The following FAM110C variants were observed in gnomAD, a reference collection of about 807,000 sequenced individuals.
FAM110C encodes the protein protein FAM110C.
In FAM110C, 19 loss-of-function variants were observed where a neutral mutation model predicts 15.7. The observed-to-expected ratio is 1.21, with a 90% CI of 0.85 to 1.78. FAM110C has a LOEUF of 1.78. FAM110C is among the 40% of genes most tolerant of loss of function. The pLI is 0.00. For missense variants in FAM110C, 547 were observed against 495.7 expected (o/e 1.10, Z -0.98); for synonymous variants, 275 against 233.9 (o/e 1.18, Z -1.61).
intron 1 of FAM110C, 72 bp downstream of exon 1, chr2:45,368 G>T (rs1388563849): frequency 6.6e-7 from 1 of 1,519,050 alleles, no homozygotes; most frequent in African/African-American, 1.4e-5. Context: ...CCATCGCCCA[G>T]CTCGGTCACA....
At chr2:44,626 G>C (rs941817086) in intron 1 of FAM110C, 1 of 985,294 alleles carries the variant, frequency 1.0e-6, no homozygotes, top group Non-Finnish European at 1.2e-6. Flanking sequence ...CCATAGGGAA[G>C]AGCAGGTAAC....
chr2:43,736 T>C, intron 1 of FAM110C: 1 of 985,442 alleles, frequency 1.0e-6, no homozygotes, highest in Non-Finnish European at 1.2e-6. Context: ...CCCCACTATT[T>C]ATACCACCAA....
In FAM110C at chr2:41,546, G is replaced by A. The variant is rs1163308677; in HGVS notation, c.*62C>T. ...AAACAGCAATCATGTGGTCACCTAG[G>A]CACACTAGCCAAATGGTCCTGGGAT... On this transcript the variant is annotated 3_prime_UTR_variant, in exon 2 of 2. Transcript: ENST00000327669. 7.5e-6 allele frequency: 12 copies of A among 1,594,178 alleles called. No homozygotes were observed. The South Asian group carries it at 8.9e-5, about 12-fold the overall frequency.
chr2:45,707 C>T lies in FAM110C; in HGVS notation c.679G>A (p.Glu227Lys). The stretch of plus-strand genomic sequence containing the variant: ...TCCCTCCCCAGGGCCTCCACCACCT[C>T]GGGGTCCAGGCCGCAGTACTGGAAG... ...TFFQYCGLDP[E>K]VVEALGRENF... Residue 227 changes from glutamate to lysine, a missense_variant, in exon 1 of 2, where the codon GAG (glutamate) becomes AAG (lysine). Physicochemically the swap from Glu to Lys is moderately conservative, Grantham distance 56. Coordinates refer to ENST00000327669, the MANE Select transcript of FAM110C (RefSeq NM_001077710.3). The T allele has an allele frequency of 4.4e-6, 7 of 1,603,184 alleles. No homozygotes were observed. The highest frequency in any genetic ancestry group is 2.3e-5 in the East Asian group (1 of 44,422).
rs1294380005 is a variant in FAM110C at position 45,586 on chromosome 2, T to C, written c.800A>G (p.Asp267Gly). Residue 267 changes from aspartate (D) to glycine (G), a missense_variant, in exon 1 of 2, where the codon GAC becomes GGC. Asp to Gly is a moderately conservative substitution (Grantham distance 94, BLOSUM62 -1). Coordinates refer to ENST00000327669, the MANE Select transcript of FAM110C (RefSeq NM_001077710.3). ...GSGFSRHSGG[D>G]DEGLQEEELI... The stretch of plus-strand genomic sequence containing the variant: ...CTCCTCCTCCTGCAGCCCCTCGTCG[T>C]CGCCGCCGCTGTGCCGGGAGAAGCC... 4 of 1,612,526 alleles carry C rather than the reference T, an allele frequency of 2.5e-6. No homozygotes were observed. The highest frequency in any genetic ancestry group is 2.7e-5 in the African/African-American group (2 of 74,908).
intron 1 of FAM110C, chr2:42,073 C>T (rs960555754): frequency 5.1e-6 from 5 of 985,264 alleles, no homozygotes; most frequent in East Asian, 1.1e-4. Context: ...GCGGGTCACA[C>T]GACAGGGAAG....
Position 46,126 on chromosome 2 carries a change from C to G in FAM110C, c.260G>C (p.Arg87Pro), listed in dbSNP as rs1177994089. The G allele has an allele frequency of 6.9e-7, 1 of 1,456,428 alleles. No individual in the cohort carries two copies. Among genetic ancestry groups the G allele is most frequent in the Non-Finnish European group, 9.0e-7 (1 of 1,110,816 alleles). 90.2% of individuals were successfully genotyped at this position (1,456,428 alleles called of 1,614,324 possible). Residue 87 changes from arginine to proline, a missense_variant, in exon 1 of 2, where the codon CGC becomes CCC. Transcript: ENST00000327669. ...PPARAPAPVA[R>P]RAIARKPLRP... The stretch of plus-strand genomic sequence containing the variant: ...CAACGGCTTCCGCGCAATAGCCCTG[C>G]GCGCCACCGGGGCCGGGGCGCGGGC...
Position 46,217 on chromosome 2 carries a change from C to T in FAM110C, c.169G>A (p.Gly57Ser), listed in dbSNP as rs1405592894. The change falls in exon 1 of 2, where the codon GGC becomes AGC. Residue 57 changes from glycine to serine, a missense_variant. Physicochemically the swap from Gly to Ser is moderately conservative, Grantham distance 56. Transcript: ENST00000327669. Reference protein sequence around the residue: ...YVRGRPGTGRGVASEGSGPGA... With the variant: ...YVRGRPGTGRSVASEGSGPGA... The stretch of plus-strand genomic sequence containing the variant: ...GGGCCGCTGCCCTCGGAAGCGACGC[C>T]CCGGCCAGTCCCCGGCCGACCCCGC... 3 of 1,385,316 alleles carry T rather than the reference C, an allele frequency of 2.2e-6. No homozygotes were observed. Among genetic ancestry groups the T allele is most frequent in the Non-Finnish European group, 2.8e-6 (3 of 1,074,090 alleles). The allele number at this position is 1,385,316 out of a possible 1,614,324, so 85.8% of individuals were successfully genotyped here.
intron 1 of FAM110C, chr2:43,372 T>TGGAGGGAGACATGAGG: frequency 1.0e-6 from 1 of 985,368 alleles, no homozygotes; most frequent in Non-Finnish European, 1.2e-6. Context: ...GGGATTCAGG[T>TGGAGGGAGACATGAGG]GGAGGGAGAC....
At position 45,993 on chromosome 2, in the gene FAM110C, A is replaced by G; in HGVS notation, c.393T>C (p.Gly131=). 6.8e-7 allele frequency: 1 copy of G among 1,464,768 alleles called. No individual in the cohort carries two copies. Among genetic ancestry groups the G allele is most frequent in the Non-Finnish European group, 9.0e-7 (1 of 1,113,738 alleles). The allele number at this position is 1,464,768 out of a possible 1,614,324, so 90.7% of individuals were successfully genotyped here. ...TCCGGGGCACCGGCGCCTTGTCCTT[A>G]CCCGGCCCCTGGAAGAGCTTCTTCA... is the stretch of plus-strand genomic sequence containing the variant. ...SLVKKLFQGP[G]KDKAPVPRTG... is the part of the protein sequence containing the mutation. The change falls in exon 1 of 2, where the codon GGT becomes GGC. Residue 131 remains glycine, a synonymous_variant. Coordinates refer to ENST00000327669, the MANE Select transcript of FAM110C (RefSeq NM_001077710.3).
At chr2:44,109 G>A (rs1283384587) in intron 1 of FAM110C, 1 of 985,256 alleles carries the variant, frequency 1.0e-6, no homozygotes, top group Non-Finnish European at 1.2e-6. Context: ...ACCCTTGCCA[G>A]CATTCATTCA....
intron 1 of FAM110C, chr2:44,862 T>G: frequency 1.0e-6 from 1 of 985,424 alleles, no homozygotes; most frequent in Non-Finnish European, 1.2e-6. Flanking sequence ...TGTTGCTAAG[T>G]GAATGCCAAA....
At chr2:45,137 T>A (rs1329701231) in intron 1 of FAM110C, 8 of 985,322 alleles carry the variant, frequency 8.1e-6, no homozygotes, top group African/African-American at 1.7e-5. Flanking sequence ...TTCTCCTGTT[T>A]TCACAATAAT....
chr2:40,417 T>C lies in FAM110C; in HGVS notation c.*1191A>G, dbSNP rs1664092158. The C allele has an allele frequency of 6.6e-6, 1 of 152,236 alleles. No individual in the cohort carries two copies. Among genetic ancestry groups the C allele is most frequent in the Non-Finnish European group, 1.5e-5 (1 of 68,044 alleles). The allele number at this position is 152,236 out of a possible 1,614,324, so 9.4% of individuals were successfully genotyped here. Reference sequence around the variant, plus strand: ...TAACGATTTTCTTCTTGAAAAGATATATTTTGATATTAAGCTTTCGAAGAA... The same window carrying C: ...TAACGATTTTCTTCTTGAAAAGATACATTTTGATATTAAGCTTTCGAAGAA... On this transcript the variant is annotated 3_prime_UTR_variant, in exon 2 of 2. Transcript: ENST00000327669.
chr2:39,818 G>A lies in FAM110C; in HGVS notation c.*1790C>T, dbSNP rs1266297803. The A allele has an allele frequency of 1.3e-5, 2 of 152,024 alleles. No individual in the cohort carries two copies. Among genetic ancestry groups the A allele is most frequent in the African/African-American group, 4.8e-5 (2 of 41,370 alleles). 9.4% of individuals were successfully genotyped at this position (152,024 alleles called of 1,614,324 possible). On this transcript the variant is annotated 3_prime_UTR_variant, in exon 2 of 2. Transcript: ENST00000327669. Reference sequence around the variant, plus strand: ...AAAGCTTTCATATCTAAAATTGATGGGACATCTGAAAATAAGGGAATTGGG... The same window carrying A: ...AAAGCTTTCATATCTAAAATTGATGAGACATCTGAAAATAAGGGAATTGGG...
chr2:45,305 C>T, intron 1 of FAM110C, 135 bp downstream of exon 1: 1 of 1,432,198 alleles, frequency 7.0e-7, no homozygotes, highest in Non-Finnish European at 9.1e-7. Flanking sequence ...TCTCTTGGGT[C>T]CCTTTCACAC....
In FAM110C at chr2:41,572, C is replaced by A; in HGVS notation, c.*36G>T. 1 of 1,613,322 alleles carries A rather than the reference C, an allele frequency of 6.2e-7. No homozygotes were observed. The highest frequency in any genetic ancestry group is 8.5e-7 in the Non-Finnish European group (1 of 1,179,656). On this transcript the variant is annotated 3_prime_UTR_variant, in exon 2 of 2. Coordinates refer to ENST00000327669, the MANE Select transcript of FAM110C (RefSeq NM_001077710.3). ...CACACTAGCCAAATGGTCCTGGGATCCCAAATCACCCATGAAATCCTTCAA... is the reference window on the plus strand; with the variant it reads ...CACACTAGCCAAATGGTCCTGGGATACCAAATCACCCATGAAATCCTTCAA...
chr2:43,893 C>T, intron 1 of FAM110C: 5 of 985,412 alleles, frequency 5.1e-6, no homozygotes, highest in Non-Finnish European at 6.0e-6. Context: ...ACTACACAGA[C>T]TAGAAAATGT....
rs1387720015 is a variant in FAM110C at position 41,397 on chromosome 2, A to T, written c.*211T>A. 4.3e-6 allele frequency: 2 copies of T among 463,212 alleles called. No individual in the cohort carries two copies. The highest frequency in any genetic ancestry group is 7.5e-6 in the Non-Finnish European group (2 of 267,048). The allele number at this position is 463,212 out of a possible 1,614,324, so 28.7% of individuals were successfully genotyped here. A position where few individuals can be genotyped will look rare whatever the true frequency, so the allele number is the denominator to read the frequency against. ...TAGTTTCACCTCAAACAAGGAAGAC[A>T]CCTCTTGGAGTTTCAGCTGTTACAA... On this transcript the variant is annotated 3_prime_UTR_variant, in exon 2 of 2. Coordinates refer to ENST00000327669, the MANE Select transcript of FAM110C (RefSeq NM_001077710.3).
Sources: allele counts gnomAD v4.1 joint callset, GRCh38; gene constraint gnomAD v4.1.1; transcripts MANE v1.5; gene names NCBI Gene and HGNC (gene_info 2026-07-23, HGNC 2026-07-21).